The following LYZL2 variants were observed in gnomAD, a reference collection of about 807,000 sequenced individuals.
LYZL2 encodes the protein lysozyme-like protein 2.
Under a neutral mutation model 17.1 loss-of-function variants are expected in LYZL2, and 13 were observed. The observed-to-expected ratio is 0.76, with a 90% CI of 0.49 to 1.21. The LOEUF is 1.21. Ranked by LOEUF, LYZL2 falls within the 50% of genes most tolerant of loss-of-function variation. The probability of loss-of-function intolerance (pLI) is 0.00; values close to 1 mark genes in which losing one functional copy is unlikely to be tolerated. For synonymous variants in LYZL2, 63 were observed against 74.4 expected (o/e 0.85, Z 0.79); for missense variants, 166 against 189.2 (o/e 0.88, Z 0.72).
intron 2 of LYZL2, 32 bp downstream of exon 2, chr10:30,626,745 A>T (rs1303754550): frequency 1.2e-6 from 2 of 1,613,688 alleles, no homozygotes; most frequent in Non-Finnish European, 8.5e-7. Flanking sequence ...AAGGTCAAGG[A>T]CAGAAAGAGA....
intron 3 of LYZL2, among the ~76,000 whole-genome samples, chr10:30,614,211 G>A (rs1838492961): frequency 6.6e-6 from 1 of 152,204 alleles, no homozygotes; most frequent in Non-Finnish European, 1.5e-5. Context: ...TGCTGAGATG[G>A]GTTTGAAATG....
intron 3 of LYZL2, among the ~76,000 whole-genome samples, chr10:30,625,380 G>C (rs1838685968): frequency 6.6e-6 from 1 of 152,098 alleles, no homozygotes; most frequent in Non-Finnish European, 1.5e-5. Context: ...AATCTCTCTT[G>C]CTCAGGCTCA....
chr10:30,625,277 C>A (rs1838684620), intron 3 of LYZL2, among the ~76,000 whole-genome samples: 1 of 152,118 alleles, frequency 6.6e-6, no homozygotes, highest in Non-Finnish European at 1.5e-5. Flanking sequence ...TAAGTGAATT[C>A]AATGATATTT....
At chr10:30,618,736 T>C (rs1838574067) in intron 3 of LYZL2, among the ~76,000 whole-genome samples, 1 of 152,144 alleles carries the variant, frequency 6.6e-6, no homozygotes, top group South Asian at 2.1e-4. Context: ...GAAGAAAACC[T>C]AGGCAATACC....
chr10:30,619,155 A>G (rs1838580586), intron 3 of LYZL2, among the ~76,000 whole-genome samples: 1 of 152,260 alleles, frequency 6.6e-6, no homozygotes, highest in South Asian at 2.1e-4. Flanking sequence ...TAGAATGGCC[A>G]TTATTAAAAA....
intron 2 of LYZL2, 69 bp downstream of exon 2, chr10:30,626,707 TA>T (rs1838713166): frequency 6.3e-7 from 1 of 1,594,044 alleles, no homozygotes; most frequent in South Asian, 1.2e-5. Flanking sequence ...GCAGGGAGTG[TA>T]GCCAGGACCT....
At chr10:30,614,982 G>C (rs1838504170) in intron 3 of LYZL2, among the ~76,000 whole-genome samples, 1 of 152,176 alleles carries the variant, frequency 6.6e-6, no homozygotes, top group Admixed American at 6.5e-5. Context: ...AAAATAAAGA[G>C]CTGTTTGAAT....
At chr10:30,619,089 C>CT (rs1214381802) in intron 3 of LYZL2, among the ~76,000 whole-genome samples, 1 of 152,256 alleles carries the variant, frequency 6.6e-6, no homozygotes, top group Non-Finnish European at 1.5e-5. Context: ...CTCATCATCA[C>CT]TGGCCATCAG....
At chr10:30,625,675 C>A (rs868435310) in intron 3 of LYZL2, among the ~76,000 whole-genome samples, 2 of 152,114 alleles carry the variant, frequency 1.3e-5, no homozygotes, top group African/African-American at 4.8e-5. Context: ...CAGAGTGAGA[C>A]CCTGTCTCAA....
intron 3 of LYZL2, among the ~76,000 whole-genome samples, chr10:30,621,237 A>G (rs1461607919): frequency 6.6e-6 from 1 of 152,154 alleles, no homozygotes; most frequent in Non-Finnish European, 1.5e-5. Context: ...GAAGGAAATC[A>G]CTGGTTTCCC....
chr10:30,624,257 A>C (rs1838668917), intron 3 of LYZL2, among the ~76,000 whole-genome samples: 1 of 152,184 alleles, frequency 6.6e-6, no homozygotes, highest in African/African-American at 2.4e-5. Context: ...GGAGGGGTTT[A>C]AATAAGAGTA....
chr10:30,614,396 G>A (rs1331537049), intron 3 of LYZL2, among the ~76,000 whole-genome samples: 1 of 152,234 alleles, frequency 6.6e-6, no homozygotes, highest in East Asian at 1.9e-4. Flanking sequence ...CACATGCCAG[G>A]TCTGAATGCC....
At position 30,626,823 on chromosome 10, in the gene LYZL2, G is replaced by A; in HGVS notation, c.93C>T (p.Phe31=). Reference sequence around the variant, plus strand: ...AGTAATTGTCCAGGCCAGCCCTCGAGAATATTTTTGCCAGTTTGCAACGAG... The same window carrying A: ...AGTAATTGTCCAGGCCAGCCCTCGAAAATATTTTTGCCAGTTTGCAACGAG... ...IYTRCKLAKI[F]SRAGLDNYWG... The change falls in exon 2 of 5, where the codon TTC becomes TTT. Residue 31 remains phenylalanine (F), a synonymous_variant. Coordinates refer to ENST00000647634, the MANE Select transcript of LYZL2 (RefSeq NM_183058.3). 2 of 1,614,260 alleles carry A rather than the reference G, an allele frequency of 1.2e-6. No individual in the cohort carries two copies. The highest frequency in any genetic ancestry group is 1.1e-5 in the South Asian group (1 of 91,090).
intron 3 of LYZL2, among the ~76,000 whole-genome samples, chr10:30,621,091 T>C (rs180912239): frequency 2.0e-5 from 3 of 152,070 alleles, no homozygotes; most frequent in Non-Finnish European, 2.9e-5. Context: ...AACTCAGGGA[T>C]ACAAAATGTT....
At chr10:30,620,858 T>C (rs897323409) in intron 3 of LYZL2, among the ~76,000 whole-genome samples, 2 of 147,362 alleles carry the variant, frequency 1.4e-5, no homozygotes, top group African/African-American at 4.9e-5. Context: ...GTTTAACAGA[T>C]TAGCATTAAA....
downstream of LYZL2, among the ~76,000 whole-genome samples, chr10:30,608,038 G>A (rs1328210175): frequency 1.3e-5 from 2 of 152,092 alleles, no homozygotes; most frequent in African/African-American, 4.8e-5. Context: ...AGCCTCCCAA[G>A]CTGAAGTGAT....
At chr10:30,608,950 C>T (rs1838403358), downstream of LYZL2, among the ~76,000 whole-genome samples, 1 of 152,086 alleles carries the variant, frequency 6.6e-6, no homozygotes, top group Non-Finnish European at 1.5e-5. Flanking sequence ...AGCGACCCTC[C>T]CACCTCAACC....
chr10:30,607,432 T>G (rs2066834758), downstream of LYZL2, among the ~76,000 whole-genome samples: 1 of 151,984 alleles, frequency 6.6e-6, no homozygotes, highest in Non-Finnish European at 1.5e-5. Context: ...CTCTCTCCTC[T>G]CTCCTGTTCT....
downstream of LYZL2, chr10:30,611,697 A>T: frequency 2.4e-6 from 1 of 409,082 alleles, no homozygotes; most frequent in Non-Finnish European, 3.9e-6. Flanking sequence ...GGAAAGAAAG[A>T]AAGAAAAAGA....
Sources: allele counts gnomAD v4.1 joint callset (sites outside exome capture counted in the v4.1 genomes callset), GRCh38; gene constraint gnomAD v4.1.1; transcripts MANE v1.5; gene names NCBI Gene and HGNC (gene_info 2026-07-23, HGNC 2026-07-21).